Variants in KCNIP1 observed in about 807,000 individuals in gnomAD.
The protein encoded by KCNIP1 is A-type potassium channel modulatory protein KCNIP1.
In KCNIP1, 18 loss-of-function variants were observed where a neutral mutation model predicts 33.0. That is an observed-to-expected ratio of 0.55 (90% confidence interval 0.38 to 0.81). The LOEUF (loss-of-function observed/expected upper bound fraction) is 0.81, where lower values mean the gene tolerates loss of function less well. KCNIP1 is among the 30% of genes least tolerant of loss of function. The probability of loss-of-function intolerance (pLI) is 0.00; values close to 1 mark genes in which losing one functional copy is unlikely to be tolerated. For synonymous variants in KCNIP1, 93 were observed against 98.3 expected (o/e 0.95, Z 0.32); for missense variants, 238 against 271.6 (o/e 0.88, Z 0.87).
intron 1 of KCNIP1, among the ~76,000 whole-genome samples, chr5:170,715,704 C>CA (rs1473672977): frequency 2.0e-5 from 3 of 152,220 alleles, no homozygotes; most frequent in Non-Finnish European, 4.4e-5. Flanking sequence ...ACTTTACAAA[C>CA]AAAAGGTGCT....
chr5:170,587,307 G>C (rs1359650492), intron 1 of KCNIP1, among the ~76,000 whole-genome samples: 1 of 145,900 alleles, frequency 6.9e-6, no homozygotes, highest in East Asian at 2.0e-4. Flanking sequence ...TATAGTCCTA[G>C]CTACTCCAAG....
intron 1 of KCNIP1, among the ~76,000 whole-genome samples, chr5:170,442,877 T>C (rs926747829): frequency 2.0e-5 from 3 of 152,218 alleles, no homozygotes; most frequent in Non-Finnish European, 4.4e-5. Context: ...TAGAATCCTG[T>C]GCCTTCAGGA....
intron 1 of KCNIP1, among the ~76,000 whole-genome samples, chr5:170,441,312 G>T (rs956975403): frequency 6.6e-6 from 1 of 152,086 alleles, no homozygotes; most frequent in African/African-American, 2.4e-5. Context: ...TTGTAGAGAG[G>T]CTTTGTGATT....
chr5:170,374,494 C>T (rs1249966798), intron 1 of KCNIP1, among the ~76,000 whole-genome samples: 1 of 152,138 alleles, frequency 6.6e-6, no homozygotes, highest in African/African-American at 2.4e-5. Context: ...GTTAGGATGT[C>T]CCCCAGGGTT....
At chr5:170,462,704 G>C (rs899222953) in intron 1 of KCNIP1, among the ~76,000 whole-genome samples, 1 of 152,048 alleles carries the variant, frequency 6.6e-6, no homozygotes, top group African/African-American at 2.4e-5. Context: ...AGCACAATTC[G>C]CAATTGTAAA....
chr5:170,627,818 C>T (rs967956321), intron 1 of KCNIP1, among the ~76,000 whole-genome samples: 12 of 152,202 alleles, frequency 7.9e-5, no homozygotes, highest in Non-Finnish European at 1.5e-4. Context: ...GCTCCTGCTT[C>T]GAGGGACAGG....
chr5:170,437,907 C>G (rs1359458556), intron 1 of KCNIP1, among the ~76,000 whole-genome samples: 1 of 152,234 alleles, frequency 6.6e-6, no homozygotes, highest in South Asian at 2.1e-4. Context: ...CCTTGGGCCA[C>G]CAAGCTCCTT....
At chr5:170,546,739 T>G (rs1470159076) in intron 1 of KCNIP1, among the ~76,000 whole-genome samples, 11 of 152,160 alleles carry the variant, frequency 7.2e-5, no homozygotes. Flanking sequence ...CTACTACATC[T>G]TACCTGGAAG....
intron 1 of KCNIP1, among the ~76,000 whole-genome samples, chr5:170,509,463 CTT>C (rs1754850245): frequency 1.3e-5 from 2 of 152,230 alleles, no homozygotes; most frequent in East Asian, 1.9e-4. Flanking sequence ...GCTTAGACCT[CTT>C]TGTCTGCCTG....
At position 170,456,701 on chromosome 5, in the gene KCNIP1, T is replaced by TTC. The variant is rs1554093874; in HGVS notation, c.88+102738_88+102739insCT. Among the ~76,000 whole-genome samples the TTC allele has an allele frequency of 2.6e-4, 35 of 135,766 alleles. 1 individual carries two copies. The highest frequency in any genetic ancestry group is 1.3e-3 in the East Asian group (6 of 4,592). The allele number at this position is 135,766 out of a possible 152,430, so 89.1% of individuals were successfully genotyped here. A position where few individuals can be genotyped will look rare whatever the true frequency, so the allele number is the denominator to read the frequency against. On this transcript the variant is annotated intron_variant, in intron 1 of 7. Coordinates refer to the KCNIP1 transcript ENST00000377360. Reference sequence around the variant, plus strand: ...TTTCTTTCTTTCTCTCTCTCTCTCTTTTTCTTTCTTTCTTTCTTTCTTTCT... The same window carrying TTC: ...TTTCTTTCTTTCTCTCTCTCTCTCTTTCTTTCTTTCTTTCTTTCTTTCTTTCT...
At chr5:170,393,439 C>T (rs1754668047) in intron 1 of KCNIP1, among the ~76,000 whole-genome samples, 1 of 152,180 alleles carries the variant, frequency 6.6e-6, no homozygotes, top group African/African-American at 2.4e-5. Flanking sequence ...CGAAGCTGTG[C>T]GTTCACAGAC....
intron 1 of KCNIP1, among the ~76,000 whole-genome samples, chr5:170,365,146 A>G (rs115698364): frequency 0.018 from 2,780 of 152,036 alleles, 73 homozygotes; most frequent in African/African-American, 0.062. Flanking sequence ...GGCCTACCAC[A>G]TGGTAGGCCC....
intron 1 of KCNIP1, among the ~76,000 whole-genome samples, chr5:170,532,417 G>A (rs1326090374): frequency 6.6e-6 from 1 of 152,124 alleles, no homozygotes; most frequent in Non-Finnish European, 1.5e-5. Context: ...CCATTGACAT[G>A]TCCTCGACTC....
chr5:170,536,898 C>T (rs1451037932), intron 1 of KCNIP1, among the ~76,000 whole-genome samples: 1 of 152,174 alleles, frequency 6.6e-6, no homozygotes, highest in East Asian at 1.9e-4. Flanking sequence ...ATCTCCTGGG[C>T]ATTAGACTTG....
At chr5:170,444,272 A>G (rs1325541705) in intron 1 of KCNIP1, among the ~76,000 whole-genome samples, 1 of 151,986 alleles carries the variant, frequency 6.6e-6, no homozygotes. Context: ...TGCCTTTTCC[A>G]GTGTCTAGAG....
intron 1 of KCNIP1, among the ~76,000 whole-genome samples, chr5:170,588,688 A>G (rs187113553): frequency 9.9e-5 from 15 of 152,196 alleles, no homozygotes; most frequent in South Asian, 2.1e-4. Flanking sequence ...TTCCCAAGGG[A>G]CCCTGGAAGC....
At chr5:170,543,468 G>A (rs1216015209) in intron 1 of KCNIP1, among the ~76,000 whole-genome samples, 2 of 152,188 alleles carry the variant, frequency 1.3e-5, no homozygotes, top group East Asian at 3.8e-4. Context: ...TGTCAAATGA[G>A]TTAATTTTTT....
At chr5:170,503,799 G>A (rs2113232127), upstream of KCNIP1, among the ~76,000 whole-genome samples, 1 of 144,470 alleles carries the variant, frequency 6.9e-6, no homozygotes, top group South Asian at 2.1e-4. Flanking sequence ...CCAATCTACT[G>A]CCCCCTGAAC....
chr5:170,601,056 A>C (rs1758671585), intron 1 of KCNIP1, among the ~76,000 whole-genome samples: 1 of 152,176 alleles, frequency 6.6e-6, no homozygotes, highest in Non-Finnish European at 1.5e-5. Context: ...TCCTCTATAA[A>C]ATGGGCTTCA....
Sources: gnomAD v4.1 joint callset for allele counts (sites outside exome capture counted in the v4.1 genomes callset) on GRCh38, gnomAD v4.1.1 for gene constraint, MANE v1.5 for transcripts, NCBI Gene and HGNC (gene_info 2026-07-23, HGNC 2026-07-21) for gene names.